Variants in CCDC171 observed in about 807,000 individuals in gnomAD.
The protein encoded by CCDC171 is coiled-coil domain containing 171.
Under a neutral mutation model 168.2 loss-of-function variants are expected in CCDC171, and 177 were observed. That is an observed-to-expected ratio of 1.05 (90% CI 0.93 to 1.19). The LOEUF (loss-of-function observed/expected upper bound fraction) is 1.19, where lower values mean the gene tolerates loss of function less well. CCDC171 is among the 50% of genes most tolerant of loss of function. CCDC171 has a pLI of 0.00. For synonymous variants in CCDC171, 687 were observed against 540.8 expected (o/e 1.27, Z -3.75); for missense variants, 1,991 against 1,539.0 (o/e 1.29, Z -4.91).
At chr9:15,832,922 C>T (rs1347499588) in intron 21 of CCDC171, among the ~76,000 whole-genome samples, 1 of 150,788 alleles carries the variant, frequency 6.6e-6, no homozygotes, top group Non-Finnish European at 1.5e-5. Context: ...TAGCTCTACA[C>T]AGGGTCAGGA....
At chr9:15,760,267 T>G (rs911987019) in intron 18 of CCDC171, among the ~76,000 whole-genome samples, 3 of 152,186 alleles carry the variant, frequency 2.0e-5, no homozygotes, top group African/African-American at 7.2e-5. Flanking sequence ...TAATAATAAC[T>G]GTATGGCTTT....
At chr9:15,554,994 G>A (rs1339750765) in intron 1 of CCDC171, among the ~76,000 whole-genome samples, 1 of 152,040 alleles carries the variant, frequency 6.6e-6, no homozygotes, top group African/African-American at 2.4e-5. Flanking sequence ...TTTTTCCTCT[G>A]ATCTGTGCAG....
Position 15,745,523 on chromosome 9 carries a change from A to G in CCDC171, c.2563A>G (p.Lys855Glu). ...TTTTTTCAATTTTATAGAACATCAA[A>G]AGGAGCAGTTGCGTTGTTTACAAGC... is the stretch of plus-strand genomic sequence containing the variant. ...QDKHKFPKHQ[K>E]EQLRCLQALS... Residue 855 changes from lysine to glutamate, a missense_variant, in exon 18 of 26, where the codon AAG (lysine) becomes GAG (glutamate). Transcript: ENST00000380701. 1 of 1,549,034 alleles carries G rather than the reference A, an allele frequency of 6.5e-7. No homozygotes were observed. The highest frequency in any genetic ancestry group is 2.4e-5 in the East Asian group (1 of 42,160).
At chr9:15,981,098 C>G (rs539362550) in intron 3 of CCDC171, among the ~76,000 whole-genome samples, 1 of 151,994 alleles carries the variant, frequency 6.6e-6, no homozygotes, top group Non-Finnish European at 1.5e-5. Flanking sequence ...AAGACGTGCC[C>G]CCATGATTCA....
chr9:15,586,091 C>T (rs551425852), intron 4 of CCDC171, among the ~76,000 whole-genome samples: 1 of 152,252 alleles, frequency 6.6e-6, no homozygotes, highest in Admixed American at 6.5e-5. Context: ...TAATGATATA[C>T]ATGCTGAACT....
chr9:16,003,113 C>G (rs905922371), intron 3 of CCDC171, among the ~76,000 whole-genome samples: 1 of 152,210 alleles, frequency 6.6e-6, no homozygotes, highest in African/African-American at 2.4e-5. Context: ...TTCTGCATCT[C>G]TGTTAGTGAT....
chr9:15,673,016 C>A (rs2049236643), intron 9 of CCDC171, among the ~76,000 whole-genome samples: 1 of 152,080 alleles, frequency 6.6e-6, no homozygotes, highest in Non-Finnish European at 1.5e-5. Context: ...TTGTTTGTGT[C>A]CTCTTTTATT....
At chr9:15,951,347 A>G (rs1027873359) in intron 25 of CCDC171, among the ~76,000 whole-genome samples, 3 of 152,046 alleles carry the variant, frequency 2.0e-5, no homozygotes, top group African/African-American at 7.2e-5. Context: ...CACCACACCT[A>G]TTCCAAAATT....
chr9:15,603,653 C>G (rs1466639276), intron 6 of CCDC171, among the ~76,000 whole-genome samples: 1 of 151,822 alleles, frequency 6.6e-6, no homozygotes, highest in African/African-American at 2.4e-5. Context: ...AGCCTATCAT[C>G]GATGGGCATT....
At chr9:15,989,471 T>A (rs1832113095) in intron 3 of CCDC171, among the ~76,000 whole-genome samples, 1 of 151,796 alleles carries the variant, frequency 6.6e-6, no homozygotes, top group South Asian at 2.1e-4. Flanking sequence ...CCCTCAAAGA[T>A]GGGGAAAAAA....
intron 6 of CCDC171, among the ~76,000 whole-genome samples, chr9:16,028,054 T>C (rs1216151037): frequency 2.0e-5 from 3 of 152,062 alleles, no homozygotes; most frequent in Admixed American, 6.6e-5. Flanking sequence ...GACACATAGG[T>C]TAAATTTTGT....
At chr9:15,800,860 T>C (rs1265559989) in intron 21 of CCDC171, among the ~76,000 whole-genome samples, 1 of 152,174 alleles carries the variant, frequency 6.6e-6, no homozygotes, top group Non-Finnish European at 1.5e-5. Flanking sequence ...CACTATTTAT[T>C]GAAGAAACTA....
At chr9:15,744,841 C>T in intron 17 of CCDC171, 64 bp downstream of exon 17, 1 of 1,470,546 alleles carries the variant, frequency 6.8e-7, no homozygotes, top group Non-Finnish European at 9.1e-7. Context: ...GTGACTATAC[C>T]TGGCTATTAT....
At chr9:15,895,903 A>T (rs1052766379) in intron 24 of CCDC171, among the ~76,000 whole-genome samples, 4 of 151,978 alleles carry the variant, frequency 2.6e-5, no homozygotes, top group Non-Finnish European at 5.9e-5. Context: ...ATCATCACTG[A>T]TCTAGTAGTA....
rs372835026 is a variant in CCDC171 at position 15,784,656 on chromosome 9, G to A, written c.3229G>A (p.Glu1077Lys). Residue 1077 changes from glutamate to lysine, a missense_variant, in exon 21 of 26, where the codon GAA (glutamate) becomes AAA (lysine). Transcript: ENST00000380701. Reference sequence around the variant, plus strand: ...TAAACTTGAATTGCACTCCAGTGAGGAAGCTGACAAAAACCAAACTCTTGG... The same window carrying A: ...TAAACTTGAATTGCACTCCAGTGAGAAAGCTGACAAAAACCAAACTCTTGG... Reference protein sequence around the residue: ...NYKLELHSSEEADKNQTLGEA... With the variant: ...NYKLELHSSEKADKNQTLGEA... 1.4e-5 allele frequency: 23 copies of A among 1,613,042 alleles called. No individual in the cohort carries two copies. The highest frequency in any genetic ancestry group is 1.9e-5 in the Non-Finnish European group (23 of 1,179,560).
In CCDC171 at chr9:15,664,694, G is replaced by GTT. The variant is rs71325927; in HGVS notation, c.916-1449_916-1448dup. ...TGGTGGACACAGGGAATATAGTTTT[G>GTT]TTTTTTTTTTTTTTTTTTTTTGAGA... On this transcript the variant is annotated intron_variant, in intron 8 of 25. Coordinates refer to ENST00000380701, the MANE Select transcript of CCDC171 (RefSeq NM_173550.4). Among the ~76,000 whole-genome samples, 241 of 99,478 alleles carry GTT rather than the reference G, an allele frequency of 2.4e-3. 7 individuals are homozygous for GTT. The highest frequency in any genetic ancestry group is 9.4e-3 in the African/African-American group (209 of 22,266). The allele number at this position is 99,478 out of a possible 152,430, so 65.3% of individuals were successfully genotyped here. A position where few individuals can be genotyped will look rare whatever the true frequency, so the allele number is the denominator to read the frequency against.
intron 7 of CCDC171, among the ~76,000 whole-genome samples, chr9:15,650,825 A>T (rs1221932457): frequency 1.3e-5 from 2 of 152,094 alleles, no homozygotes; most frequent in African/African-American, 4.8e-5. Context: ...TAGGCTATTC[A>T]TCATCTTGAA....
intron 3 of CCDC171, among the ~76,000 whole-genome samples, chr9:15,575,336 G>C (rs935804867): frequency 6.6e-6 from 1 of 151,816 alleles, no homozygotes; most frequent in Non-Finnish European, 1.5e-5. Flanking sequence ...ACCATGCTTG[G>C]CTAATTTTTT....
At chr9:16,086,227 T>G in the CCDC171 span, among the ~76,000 whole-genome samples, 1 of 152,332 alleles carries the variant, frequency 6.6e-6, no homozygotes, top group East Asian at 1.9e-4. Context: ...CTAGATTTTC[T>G]AGTTTATTTG....
Sources: gnomAD v4.1 joint callset for allele counts (sites outside exome capture counted in the v4.1 genomes callset) on GRCh38, gnomAD v4.1.1 for gene constraint, MANE v1.5 for transcripts, NCBI Gene and HGNC (gene_info 2026-07-23, HGNC 2026-07-21) for gene names.